Variants in GRIP1 observed in about 807,000 individuals in gnomAD.
The protein encoded by GRIP1 is glutamate receptor-interacting protein 1.
In GRIP1, 45 loss-of-function variants were observed where a neutral mutation model predicts 129.9. The observed-to-expected ratio is 0.35, with a 90% CI of 0.27 to 0.44. The LOEUF (loss-of-function observed/expected upper bound fraction) is 0.44, where lower values mean the gene tolerates loss of function less well. Among genes scored for constraint, GRIP1 ranks in the 20% least tolerant of loss-of-function variants. The pLI is 1.00. For missense variants in GRIP1, 1,196 were observed against 1,396.8 expected (o/e 0.86, Z 2.29); for synonymous variants, 530 against 520.8 (o/e 1.02, Z -0.24).
intron 1 of GRIP1, among the ~76,000 whole-genome samples, chr12:66,640,482 C>T (rs1044335180): frequency 2.6e-5 from 4 of 152,156 alleles, no homozygotes; most frequent in Non-Finnish European, 5.9e-5. Context: ...CCCAGAGATA[C>T]TCAAGCTAGA....
rs74555717 is a variant in GRIP1 at position 66,399,661 on chromosome 12, T to C, written c.1985-5309A>G. Among the ~76,000 whole-genome samples, 4 of 152,112 alleles carry C rather than the reference T, an allele frequency of 2.6e-5. No homozygotes were observed. In the East Asian group the frequency reaches 7.7e-4, roughly 29 times the overall value. On this transcript the variant is annotated intron_variant, in intron 16 of 24. Transcript: ENST00000359742. ...AGATGCAAAATTGCTGCATTACTTA[T>C]CTGCAATGTTATTTTCAGGCTTCTT...
intron 1 of GRIP1, among the ~76,000 whole-genome samples, chr12:66,775,222 G>C (rs752887445): frequency 1.4e-4 from 22 of 152,166 alleles, no homozygotes; most frequent in Admixed American, 7.2e-4. Context: ...GAAGCAAGGT[G>C]AATGCATTAG....
chr12:66,422,343 C>A (rs568051043), intron 14 of GRIP1, among the ~76,000 whole-genome samples: 1 of 152,250 alleles, frequency 6.6e-6, no homozygotes, highest in South Asian at 2.1e-4. Flanking sequence ...ACAATTAATT[C>A]ATAATTTAAA....
intron 23 of GRIP1, among the ~76,000 whole-genome samples, chr12:66,358,152 C>T (rs2054581116): frequency 6.6e-6 from 1 of 152,234 alleles, no homozygotes; most frequent in African/African-American, 2.4e-5. Flanking sequence ...CCTTGGCCTT[C>T]CAAAAGTGCT....
chr12:67,063,757 A>G (rs1255756294), intron 1 of GRIP1, among the ~76,000 whole-genome samples: 1 of 152,222 alleles, frequency 6.6e-6, no homozygotes, highest in Non-Finnish European at 1.5e-5. Context: ...TCTTTTACTA[A>G]TATCAGTTGA....
intron 1 of GRIP1, among the ~76,000 whole-genome samples, chr12:66,685,232 C>T (rs112101103): frequency 0.011 from 1,621 of 152,242 alleles, 31 homozygotes; most frequent in African/African-American, 0.036. Flanking sequence ...TTGACCAACA[C>T]TTGCTTTTAT....
chr12:67,058,199 C>T (rs1271511382), intron 1 of GRIP1, among the ~76,000 whole-genome samples: 1 of 152,186 alleles, frequency 6.6e-6, no homozygotes, highest in Non-Finnish European at 1.5e-5. Context: ...TTATTCTCTA[C>T]TGTTTTATCA....
intron 1 of GRIP1, among the ~76,000 whole-genome samples, chr12:66,684,719 C>A (rs113707560): frequency 0.05 from 7,666 of 152,112 alleles, 215 homozygotes; most frequent in Middle Eastern, 0.082. Context: ...GTGGTGCACA[C>A]CTGTAATCCC....
intron 1 of GRIP1, among the ~76,000 whole-genome samples, chr12:66,937,433 A>G (rs1211654878): frequency 3.3e-5 from 5 of 152,232 alleles, no homozygotes; most frequent in African/African-American, 4.8e-5. Flanking sequence ...AAAGTGCATA[A>G]CAAATAAATA....
At chr12:66,950,675 G>A (rs900016840) in intron 1 of GRIP1, among the ~76,000 whole-genome samples, 30 of 152,054 alleles carry the variant, frequency 2.0e-4, no homozygotes, top group Admixed American at 1.7e-3. Flanking sequence ...GTGTGTGTGC[G>A]TGTGTCTGTG....
intron 11 of GRIP1, 55 bp from the exon 12 acceptor site, chr12:66,445,563 C>T (rs2058599343): frequency 3.9e-6 from 5 of 1,272,308 alleles, no homozygotes; most frequent in Non-Finnish European, 4.5e-6. Context: ...ACCAGGAATA[C>T]CAGCATTTCC....
At chr12:66,943,253 G>C (rs1464066266) in intron 1 of GRIP1, among the ~76,000 whole-genome samples, 1 of 152,170 alleles carries the variant, frequency 6.6e-6, no homozygotes, top group African/African-American at 2.4e-5. Flanking sequence ...TAAGTAGTAA[G>C]GGTCTTGAAC....
chr12:66,445,039 ATTGAAG>A (rs2058582136), intron 12 of GRIP1, among the ~76,000 whole-genome samples: 1 of 152,216 alleles, frequency 6.6e-6, no homozygotes, highest in Admixed American at 6.5e-5. Flanking sequence ...GGCAGAAACT[ATTGAAG>A]TTGAACTTCA....
intron 1 of GRIP1, among the ~76,000 whole-genome samples, chr12:66,634,850 G>A (rs958241159): frequency 3.9e-5 from 6 of 152,246 alleles, no homozygotes; most frequent in Non-Finnish European, 8.8e-5. Flanking sequence ...TGCTTCCAAT[G>A]TTGGACTCTT....
rs771683870 is a variant in GRIP1, at chr12:66,462,950, C to T, written c.1016G>A (p.Arg339Gln). Reference sequence around the variant, plus strand: ...ATGGTCGGGCCCCTTTAGGGCCAGCCGGGTCTGATGATGGGGAAGGATCTC... The same window carrying T: ...ATGGTCGGGCCCCTTTAGGGCCAGCTGGGTCTGATGATGGGGAAGGATCTC... ...KLEILPHHQT[R>Q]LALKGPDHVK... Residue 339 changes from arginine (R) to glutamine (Q), a missense_variant, in exon 9 of 25, where the codon CGG (arginine) becomes CAG (glutamine). Arg to Gln is a conservative substitution (Grantham distance 43). Coordinates refer to ENST00000359742, the MANE Select transcript of GRIP1 (RefSeq NM_001366722.1). The T allele has an allele frequency of 3.1e-6, 5 of 1,613,894 alleles. No homozygotes were observed. Among genetic ancestry groups the T allele is most frequent in the East Asian group, 4.5e-5 (2 of 44,870 alleles).
At chr12:66,672,431 T>A (rs1413989846) in intron 1 of GRIP1, among the ~76,000 whole-genome samples, 1 of 152,122 alleles carries the variant, frequency 6.6e-6, no homozygotes, top group Non-Finnish European at 1.5e-5. Context: ...AAAGTTTCCT[T>A]GGTTTGAAGG....
chr12:66,683,610 G>A (rs2034668292), upstream of GRIP1, among the ~76,000 whole-genome samples: 1 of 152,100 alleles, frequency 6.6e-6, no homozygotes, highest in Non-Finnish European at 1.5e-5. Context: ...AGTAGCTCAG[G>A]GCCTCTGGTG....
chr12:67,050,586 A>G (rs2043328557), intron 1 of GRIP1, among the ~76,000 whole-genome samples: 1 of 149,008 alleles, frequency 6.7e-6, no homozygotes, highest in African/African-American at 2.6e-5. Flanking sequence ...AACATCAAGA[A>G]AGTTCAAAAT....
intron 1 of GRIP1, among the ~76,000 whole-genome samples, chr12:66,785,308 A>G (rs886268120): frequency 1.5e-4 from 9 of 59,806 alleles, no homozygotes; most frequent in African/African-American, 5.4e-4. Context: ...AGAATTTAAC[A>G]TACATACATA....
Sources: gnomAD v4.1 joint callset for allele counts (sites outside exome capture counted in the v4.1 genomes callset) on GRCh38, gnomAD v4.1.1 for gene constraint, MANE v1.5 for transcripts, NCBI Gene and HGNC (gene_info 2026-07-23, HGNC 2026-07-21) for gene names.